The following ADAP1 variants were observed in gnomAD, a reference collection of about 807,000 sequenced individuals.
The protein encoded by ADAP1 is ArfGAP with dual PH domains 1.
ADAP1 carries 31 observed loss-of-function variants against 54.9 expected under a neutral mutation model. That is an observed-to-expected ratio of 0.56 (90% confidence interval 0.42 to 0.76). ADAP1 has a LOEUF of 0.76. ADAP1 is among the 30% of genes least tolerant of loss of function. The probability of loss-of-function intolerance (pLI) is 0.00; values close to 1 mark genes in which losing one functional copy is unlikely to be tolerated. For missense variants in ADAP1, 535 were observed against 512.4 expected (o/e 1.04, Z -0.42); for synonymous variants, 313 against 202.6 (o/e 1.55, Z -4.63).
At chr7:939,528 CTTT>C (rs1338227445) in intron 1 of ADAP1, among the ~76,000 whole-genome samples, 1 of 148,088 alleles carries the variant, frequency 6.8e-6, no homozygotes, top group Non-Finnish European at 1.5e-5. Flanking sequence ...TACTATCTGT[CTTT>C]TTAAGAAAAA....
Position 898,568 on chromosome 7 carries a change from C to A in ADAP1, c.*353G>T, listed in dbSNP as rs1844618046. ...CCCCAAGCAGGGCTCTGCGCTGAGG[C>A]CTGGAAGTTCCCACAGCCGTGGTGG... On this transcript the variant is annotated 3_prime_UTR_variant, in exon 11 of 11. Transcript: ENST00000265846. 2 of 396,512 alleles carry A rather than the reference C, an allele frequency of 5.0e-6. No individual in the cohort carries two copies. Among genetic ancestry groups the A allele is most frequent in the Non-Finnish European group, 9.6e-6 (2 of 208,516 alleles). The allele number at this position is 396,512 out of a possible 1,614,324, so 24.6% of individuals were successfully genotyped here.
chr7:898,713 G>A lies in ADAP1; in HGVS notation c.*208C>T. On this transcript the variant is annotated 3_prime_UTR_variant, in exon 11 of 11. Transcript: ENST00000265846. The stretch of plus-strand genomic sequence containing the variant: ...GGTCAGCAGCAGCATGACGGGGTTA[G>A]AGATCAGGCCCAGGGCCTGGGCTGC... 1.6e-6 allele frequency: 1 copy of A among 642,794 alleles called. No individual in the cohort carries two copies. Among genetic ancestry groups the A allele is most frequent in the Admixed American group, 2.8e-5 (1 of 35,334 alleles). 39.8% of individuals were successfully genotyped at this position (642,794 alleles called of 1,614,324 possible).
At chr7:930,376 T>C (rs1177540956) in intron 2 of ADAP1, among the ~76,000 whole-genome samples, 1 of 70,382 alleles carries the variant, frequency 1.4e-5, no homozygotes, top group African/African-American at 7.4e-5. Context: ...TGAAGAGAGT[T>C]CACAGGCAAG....
rs1248947946 is a variant in ADAP1 at position 900,469 on chromosome 7, T to TC, written c.732+63dup. On this transcript the variant is annotated intron_variant, in intron 7 of 10. Coordinates refer to ENST00000265846, the MANE Select transcript of ADAP1 (RefSeq NM_006869.4). ...CATCCCAGACTCAGGGCACGAGGGC[T>TC]CCGTCCACCCCCCACCCCACCACCC... is the stretch of plus-strand genomic sequence containing the variant. 9 of 1,493,508 alleles carry TC rather than the reference T, an allele frequency of 6.0e-6. No homozygotes were observed. In the East Asian group the frequency reaches 9.7e-5, roughly 16 times the overall value. 92.5% of individuals were successfully genotyped at this position (1,493,508 alleles called of 1,614,324 possible). A position where few individuals can be genotyped will look rare whatever the true frequency, so the allele number is the denominator to read the frequency against.
intron 5 of ADAP1, 56 bp downstream of exon 5, chr7:905,004 G>A (rs1583125322): frequency 4.0e-6 from 6 of 1,506,774 alleles, no homozygotes; most frequent in Non-Finnish European, 5.5e-6. Context: ...CCCAGTGTGG[G>A]AGGCCGGGAT....
chr7:928,887 C>T (rs369866006), intron 2 of ADAP1, among the ~76,000 whole-genome samples: 1 of 152,240 alleles, frequency 6.6e-6, no homozygotes. Flanking sequence ...CATGAGTGTT[C>T]ACAGCACATT....
rs181488016 is a variant in ADAP1 at position 946,874 on chromosome 7, G to A, written c.82+7522C>T. Reference sequence around the variant, plus strand: ...CCTGAGGCCGGGCGGGGCGGCTCACGCCTGCAATCTCAGCACCTGGAGAGG... The same window carrying A: ...CCTGAGGCCGGGCGGGGCGGCTCACACCTGCAATCTCAGCACCTGGAGAGG... On this transcript the variant is annotated intron_variant, in intron 1 of 10. Coordinates refer to ENST00000265846, the MANE Select transcript of ADAP1 (RefSeq NM_006869.4). The surrounding 1 kb of genome is among the most constrained non-coding windows in gnomAD (Gnocchi z 4.3). Among the ~76,000 whole-genome samples, 86 of 152,336 alleles carry A rather than the reference G, an allele frequency of 5.6e-4. No homozygotes were observed. The highest frequency in any genetic ancestry group is 2.5e-3 in the Admixed American group (39 of 15,302).
intron 1 of ADAP1, among the ~76,000 whole-genome samples, chr7:947,317 A>G (rs947898619): frequency 6.7e-6 from 1 of 149,274 alleles, no homozygotes; most frequent in Non-Finnish European, 1.5e-5. Context: ...TCAGCCTCCC[A>G]AAGTGCTGGG....
At chr7:905,032 C>T (rs775728239) in intron 5 of ADAP1, 28 bp downstream of exon 5, 7 of 1,591,442 alleles carry the variant, frequency 4.4e-6, no homozygotes, top group Admixed American at 1.7e-5. Context: ...TGGGACAGGC[C>T]CCCACCCCAC....
rs920370888 is a variant in ADAP1, at chr7:926,985, C to A, written c.214-341G>T. 8.7e-6 allele frequency: 11 copies of A among 1,263,882 alleles called. No homozygotes were observed. Among genetic ancestry groups the A allele is most frequent in the Non-Finnish European group, 1.1e-5 (11 of 979,506 alleles). The allele number at this position is 1,263,882 out of a possible 1,614,324, so 78.3% of individuals were successfully genotyped here. A position where few individuals can be genotyped will look rare whatever the true frequency, so the allele number is the denominator to read the frequency against. On this transcript the variant is annotated intron_variant, in intron 2 of 10. Transcript: ENST00000265846. This position sits in a 1 kb window ranked among gnomAD's most constrained non-coding sequence, Gnocchi z 4.6. ...CGGGTGTCCCGTGGGAGAGAGCTGG[C>A]TGCATCCTGTGACCCCCATCTCTGC...
At position 954,635 on chromosome 7, in the gene ADAP1, GCTCCGCCGCCGCCGCTCGTGT is replaced by G. The variant is rs929478475; in HGVS notation, c.-179_-159del. The G allele has an allele frequency of 8.5e-5, 83 of 982,008 alleles. No homozygotes were observed. Among genetic ancestry groups the G allele is most frequent in the Non-Finnish European group, 9.8e-5 (81 of 828,722 alleles). The allele number at this position is 982,008 out of a possible 1,614,324, so 60.8% of individuals were successfully genotyped here. On this transcript the variant is annotated 5_prime_UTR_variant, in exon 1 of 11. Transcript: ENST00000265846. ...GTTCCGCATTCCCGCCGCCCTCTGGGCTCCGCCGCCGCCGCTCGTGTCTCCGCCGCGGTCGCTGAGCGAGTG... is the reference window on the plus strand; with the variant it reads ...GTTCCGCATTCCCGCCGCCCTCTGGGCTCCGCCGCGGTCGCTGAGCGAGTG...
intron 1 of ADAP1, among the ~76,000 whole-genome samples, chr7:942,476 G>A (rs1341666560): frequency 3.3e-5 from 2 of 59,898 alleles, no homozygotes; most frequent in African/African-American, 1.1e-4. Flanking sequence ...AGGAAGGGAG[G>A]AGGAGGAAGA....
At chr7:939,876 T>TG (rs1408664584) in intron 1 of ADAP1, among the ~76,000 whole-genome samples, 1 of 145,960 alleles carries the variant, frequency 6.9e-6, no homozygotes, top group Non-Finnish European at 1.5e-5. Context: ...GAGGGAAAAA[T>TG]GGGGGTGGCA....
chr7:944,339 T>G (rs1847086296), intron 1 of ADAP1, among the ~76,000 whole-genome samples: 1 of 151,146 alleles, frequency 6.6e-6, no homozygotes, highest in Non-Finnish European at 1.5e-5. Flanking sequence ...ACTGCAACCT[T>G]TGCCTCTCGG....
At chr7:909,343 GC>G (rs1845623279) in intron 4 of ADAP1, among the ~76,000 whole-genome samples, 1 of 78,818 alleles carries the variant, frequency 1.3e-5, no homozygotes, top group African/African-American at 8.0e-5. Flanking sequence ...CCGACAGCAG[GC>G]GCCAGCGGGA....
intron 2 of ADAP1, among the ~76,000 whole-genome samples, chr7:929,310 G>A (rs1846490350): frequency 6.6e-6 from 1 of 150,396 alleles, no homozygotes; most frequent in Admixed American, 6.6e-5. Context: ...AAAAAAAAGA[G>A]CAACACAATT....
At chr7:913,752 T>A (rs1845820169) in intron 4 of ADAP1, among the ~76,000 whole-genome samples, 1 of 151,850 alleles carries the variant, frequency 6.6e-6, no homozygotes, top group Non-Finnish European at 1.5e-5. Context: ...CTGGCCAACA[T>A]GATGAAATCC....
chr7:910,857 C>T (rs1453928167), intron 4 of ADAP1, among the ~76,000 whole-genome samples: 1 of 152,186 alleles, frequency 6.6e-6, no homozygotes, highest in African/African-American at 2.4e-5. Context: ...TGTGAAGGGC[C>T]TGGACCTGGC....
At chr7:903,421 T>C (rs905796198) in intron 6 of ADAP1, among the ~76,000 whole-genome samples, 5 of 152,132 alleles carry the variant, frequency 3.3e-5, no homozygotes, top group African/African-American at 1.2e-4. Flanking sequence ...TGGGGACCAA[T>C]TCCCAACGGG....
Sources: gnomAD v4.1 joint callset for allele counts (sites outside exome capture counted in the v4.1 genomes callset) on GRCh38, gnomAD v4.1.1 for gene constraint, Gnocchi (gnomAD v3.1) non-coding constraint, MANE v1.5 for transcripts, NCBI Gene and HGNC (gene_info 2026-07-23, HGNC 2026-07-21) for gene names.